MTMR8: variants seen among roughly 807,000 people sequenced by gnomAD.
MTMR8 encodes the protein phosphatidylinositol-3,5-bisphosphate 3-phosphatase MTMR8.
MTMR8 carries 65 observed loss-of-function variants against 39.3 expected under a neutral mutation model. That is an observed-to-expected ratio of 1.65 (90% CI 1.35 to 2.03). The LOEUF is 2.03. MTMR8 is among the 30% of genes most tolerant of loss of function. MTMR8 has a pLI of 0.00. For synonymous variants in MTMR8, 245 were observed against 185.2 expected (o/e 1.32, Z -2.62); for missense variants, 777 against 538.9 (o/e 1.44, Z -4.37).
At chrX:64,334,587 A>AG (rs1569222874) in intron 10 of MTMR8, among the ~76,000 whole-genome samples, 1 of 105,196 alleles carries the variant, frequency 9.5e-6, no homozygotes, top group African/African-American at 3.5e-5. Context: ...AAAAAAAAAA[A>AG]AAAAAAAACA....
chrX:64,321,153 A>C (rs753295675), intron 12 of MTMR8, among the ~76,000 whole-genome samples: 3 of 111,716 alleles, frequency 2.7e-5, no homozygotes, highest in Non-Finnish European at 3.8e-5. Flanking sequence ...ACAACAACAA[A>C]AAATTATGAG....
chrX:64,302,529 C>T (rs764767169), intron 12 of MTMR8, among the ~76,000 whole-genome samples: 10 of 112,073 alleles, frequency 8.9e-5, no homozygotes, highest in African/African-American at 2.6e-4. Flanking sequence ...CCGTCTTATG[C>T]GTCGCTCACG....
intron 12 of MTMR8, among the ~76,000 whole-genome samples, chrX:64,297,537 T>G (rs1451004664): frequency 3.3e-4 from 29 of 88,322 alleles, no homozygotes; most frequent in African/African-American, 1.2e-3. Flanking sequence ...AGGTTGCCTG[T>G]TCACTCTGAT....
chrX:64,380,784 C>A (rs1924392710), intron 1 of MTMR8, among the ~76,000 whole-genome samples: 1 of 111,070 alleles, frequency 9.0e-6, no homozygotes, highest in Non-Finnish European at 1.9e-5. Flanking sequence ...GTGATGTTCC[C>A]CTTGCTGTGT....
intron 13 of MTMR8, 92 bp downstream of exon 13, chrX:64,270,855 G>T (rs1054895560): frequency 7.7e-6 from 8 of 1,033,710 alleles, no homozygotes; most frequent in Middle Eastern, 5.7e-4. Context: ...AAGCCAGCCA[G>T]TCAGCTTTCC....
At chrX:64,326,755 A>T (rs1922804330) in intron 12 of MTMR8, among the ~76,000 whole-genome samples, 1 of 111,398 alleles carries the variant, frequency 9.0e-6, no homozygotes, top group Non-Finnish European at 1.9e-5. Context: ...GTGGGGAAAA[A>T]AAAAAGAAGA....
chrX:64,359,437 CCA>C lies in MTMR8; in HGVS notation c.113_114del (p.Val38GlyfsTer27). Reference sequence around the variant, plus strand: ...TCTTTCCGGGCTGCACCTGAAGCCTCCACATAGATCAGGTGGGTTGCAGTAAG... The same window carrying C: ...TCTTTCCGGGCTGCACCTGAAGCCTCCATAGATCAGGTGGGTTGCAGTAAG... ...LYLTATHLIY[V>X]EASGAARKET... On this transcript the variant is annotated frameshift_variant, in exon 2 of 14. Transcript: ENST00000374852. LOFTEE classifies it high-confidence loss of function. The C allele has an allele frequency of 8.3e-7, 1 of 1,207,111 alleles. No homozygotes were observed. The highest frequency in any genetic ancestry group is 1.1e-6 in the Non-Finnish European group (1 of 892,544).
intron 12 of MTMR8, among the ~76,000 whole-genome samples, chrX:64,292,411 G>A (rs940120731): frequency 9.9e-5 from 11 of 111,239 alleles, no homozygotes; most frequent in Admixed American, 2.9e-4. Flanking sequence ...CATAAAGTAG[G>A]TGCATGTTGG....
rs1246676614 is a variant in MTMR8, at chrX:64,331,662, G to C, written c.1247C>G (p.Ala416Gly). 7.4e-6 allele frequency: 9 copies of C among 1,208,473 alleles called. No homozygotes were observed. The highest frequency in any genetic ancestry group is 2.3e-4 in the Middle Eastern group (1 of 4,367). Reference protein sequence around the residue: ...IWQLMEQFPCAFEFNENFLLE... With the variant: ...IWQLMEQFPCGFEFNENFLLE... ...CAGGAAGTTTTCATTAAACTCAAAGGCACAGGGAAACTGTTCCATTAATTG... is the reference window on the plus strand; with the variant it reads ...CAGGAAGTTTTCATTAAACTCAAAGCCACAGGGAAACTGTTCCATTAATTG... Residue 416 changes from alanine (A) to glycine (G), a missense_variant, in exon 11 of 14, where the codon GCC (alanine) becomes GGC (glycine). Ala to Gly is a moderately conservative substitution (Grantham distance 60). Coordinates refer to ENST00000374852, the MANE Select transcript of MTMR8 (RefSeq NM_017677.4).
At chrX:64,395,259 C>T in intron 1 of MTMR8, 81 bp downstream of exon 1, 1 of 1,043,603 alleles carries the variant, frequency 9.6e-7, no homozygotes, top group Non-Finnish European at 1.3e-6. Context: ...GCTGAGAAGG[C>T]TGAGGAGGTG....
At chrX:64,283,862 C>G (rs1272348675) in intron 12 of MTMR8, among the ~76,000 whole-genome samples, 1 of 111,995 alleles carries the variant, frequency 8.9e-6, no homozygotes, top group African/African-American at 3.3e-5. Flanking sequence ...GATAAAACCA[C>G]AAAGATGGGG....
intron 3 of MTMR8, among the ~76,000 whole-genome samples, chrX:64,355,497 G>C (rs1322944498): frequency 9.0e-6 from 1 of 111,463 alleles, no homozygotes; most frequent in African/African-American, 3.3e-5. Flanking sequence ...GAGATTAATG[G>C]AGCCTATCAG....
At chrX:64,332,736 A>T (rs1230476548) in intron 10 of MTMR8, among the ~76,000 whole-genome samples, 1 of 111,870 alleles carries the variant, frequency 8.9e-6, no homozygotes, top group African/African-American at 3.3e-5. Context: ...ACACTAGCTC[A>T]ACAGATTCCT....
chrX:64,362,471 GAAAAAAA>G (rs760545171), intron 1 of MTMR8, among the ~76,000 whole-genome samples: 4 of 5,497 alleles, frequency 7.3e-4, no homozygotes, highest in African/African-American at 2.3e-3. Context: ...TACTATTGCA[GAAAAAAA>G]AAAAAAAAAA....
intron 10 of MTMR8, among the ~76,000 whole-genome samples, chrX:64,335,245 C>A (rs1329716692): frequency 9.0e-6 from 1 of 110,510 alleles, no homozygotes; most frequent in Non-Finnish European, 1.9e-5. Context: ...GATTCTCCTA[C>A]CTCTGCCTCC....
chrX:64,319,797 G>T (rs1338062979), intron 12 of MTMR8, among the ~76,000 whole-genome samples: 2 of 111,113 alleles, frequency 1.8e-5, no homozygotes, highest in South Asian at 3.9e-4. Flanking sequence ...TGCTGTTTTG[G>T]TTACTGTAGC....
chrX:64,366,356 G>A (rs1311432600), intron 1 of MTMR8, among the ~76,000 whole-genome samples: 1 of 111,818 alleles, frequency 8.9e-6, no homozygotes. Context: ...ATAGTTGGAA[G>A]TAAAGCACTC....
At chrX:64,378,285 A>C (rs1484634157) in intron 1 of MTMR8, among the ~76,000 whole-genome samples, 1 of 112,198 alleles carries the variant, frequency 8.9e-6, no homozygotes, top group Non-Finnish European at 1.9e-5. Context: ...TTTTAATATG[A>C]TCATGGCTCA....
In MTMR8 at chrX:64,328,790, G is replaced by T. The variant is rs1401162524; in HGVS notation, c.1463C>A (p.Thr488Asn). 1 of 1,194,240 alleles carries T rather than the reference G, an allele frequency of 8.4e-7. No homozygotes were observed. The highest frequency in any genetic ancestry group is 1.9e-5 in the South Asian group (1 of 53,797). The change falls in exon 12 of 14, where the codon ACT becomes AAT. Residue 488 changes from threonine (T) to asparagine (N), a missense_variant. Transcript: ENST00000374852. The part of the protein sequence containing the change: ...FTMYGVLNPS[T>N]VPYNIQFWCG... ...AACTTACTGAATGTTGTAGGGCACA[G>T]TACTAGGATTGAGTACCCCATACAT...
Sources: allele counts gnomAD v4.1 joint callset (sites outside exome capture counted in the v4.1 genomes callset), GRCh38; gene constraint gnomAD v4.1.1; transcripts MANE v1.5; gene names NCBI Gene and HGNC (gene_info 2026-07-23, HGNC 2026-07-21).